Variants in PLEKHA2 observed in about 807,000 individuals in gnomAD.
The protein encoded by PLEKHA2 is pleckstrin homology domain containing A2.
Under a neutral mutation model 53.2 loss-of-function variants are expected in PLEKHA2, and 28 were observed. That is an observed-to-expected ratio of 0.53 (90% CI 0.39 to 0.72). The LOEUF (loss-of-function observed/expected upper bound fraction) is 0.72. PLEKHA2 is among the 30% of genes least tolerant of loss of function. The pLI, the probability that PLEKHA2 is intolerant of heterozygous loss-of-function variation, is 0.00. For missense variants in PLEKHA2, 426 were observed against 537.9 expected, an observed-to-expected ratio of 0.79 and a Z score of 2.06; for synonymous variants, 193 against 196.4, an observed-to-expected ratio of 0.98 and a Z score of 0.14.
intron 2 of PLEKHA2, among the ~76,000 whole-genome samples, chr8:38,920,381 C>T (rs1834162159): frequency 1.3e-5 from 2 of 152,026 alleles, no homozygotes; most frequent in Non-Finnish European, 2.9e-5. Context: ...GTCTCAAGCT[C>T]CTGACCTCCT....
chr8:38,937,444 C>T (rs931260453), intron 3 of PLEKHA2, among the ~76,000 whole-genome samples: 8 of 152,044 alleles, frequency 5.3e-5, no homozygotes, highest in African/African-American at 1.7e-4. Flanking sequence ...CAGAGAACCT[C>T]GCAGTAATAA....
intron 1 of PLEKHA2, among the ~76,000 whole-genome samples, chr8:38,912,780 C>T (rs748181921): frequency 1.7e-4 from 26 of 152,100 alleles, no homozygotes; most frequent in Non-Finnish European, 2.2e-4. Context: ...GCCGCTGCTG[C>T]GTGGGTCAGC....
In PLEKHA2 at chr8:38,951,158, A is replaced by C. The variant is rs181467903; in HGVS notation, c.486+168A>C. ...TACAGGTCATGTTACATCCCCATTC[A>C]TGGGTGTTAGTGACGGCAGTGCGGA... is the stretch of plus-strand genomic sequence containing the variant. On this transcript the variant is annotated intron_variant, in intron 6 of 11. Transcript: ENST00000617275. 4.0e-3 allele frequency among the ~76,000 whole-genome samples: 602 copies of C among 152,278 alleles called. 3 individuals are homozygous for C. Among genetic ancestry groups the C allele is most frequent in the Non-Finnish European group, 5.8e-3 (394 of 68,012 alleles).
At chr8:38,946,387 C>G (rs1045980566) in intron 5 of PLEKHA2, among the ~76,000 whole-genome samples, 166 bp downstream of exon 5, 2 of 152,234 alleles carry the variant, frequency 1.3e-5, no homozygotes, top group Middle Eastern at 3.2e-3. Context: ...TGACCAAACA[C>G]AAGTTGAACT....
At chr8:38,959,173 A>T (rs954443641) in intron 10 of PLEKHA2, among the ~76,000 whole-genome samples, 5 of 152,308 alleles carry the variant, frequency 3.3e-5, no homozygotes, top group Middle Eastern at 3.4e-3. Context: ...TGCTACTGCC[A>T]TTAGACTGAA....
chr8:38,903,934 T>C (rs1292529928), intron 1 of PLEKHA2, among the ~76,000 whole-genome samples: 2 of 152,218 alleles, frequency 1.3e-5, no homozygotes, highest in African/African-American at 4.8e-5. Flanking sequence ...CTTTCCGTTT[T>C]CCATCTGTCT....
intron 9 of PLEKHA2, among the ~76,000 whole-genome samples, chr8:38,955,892 C>T (rs1444628166): frequency 6.6e-6 from 1 of 152,198 alleles, no homozygotes; most frequent in Non-Finnish European, 1.5e-5. Flanking sequence ...TTCACTGCAG[C>T]CTCTGCCTCC....
intron 3 of PLEKHA2, among the ~76,000 whole-genome samples, chr8:38,936,495 T>C (rs751593066): frequency 2.0e-5 from 3 of 152,202 alleles, no homozygotes; most frequent in Non-Finnish European, 4.4e-5. Context: ...TTTTTACCAG[T>C]CACCTGGACA....
At chr8:38,923,293 T>C (rs1187214704) in intron 2 of PLEKHA2, among the ~76,000 whole-genome samples, 2 of 152,234 alleles carry the variant, frequency 1.3e-5, no homozygotes, top group Non-Finnish European at 2.9e-5. Context: ...TGCCACTAAG[T>C]TGATTTACAT....
chr8:38,957,938 C>A (rs1371378122), intron 10 of PLEKHA2, among the ~76,000 whole-genome samples: 1 of 152,214 alleles, frequency 6.6e-6, no homozygotes, highest in Non-Finnish European at 1.5e-5. Context: ...AGGGACTAGA[C>A]TTTCAGGGCC....
chr8:38,938,982 C>T (rs1834549223), intron 3 of PLEKHA2, among the ~76,000 whole-genome samples: 1 of 151,336 alleles, frequency 6.6e-6, no homozygotes, highest in South Asian at 2.1e-4. Flanking sequence ...CGCCTCACTT[C>T]AACCTTTGCC....
At position 38,972,810 on chromosome 8, in the gene PLEKHA2, TC is replaced by T. The variant is rs1159773746; in HGVS notation, c.*3028del. ...AGGAACTAAAAAATGTACTGCATTT[TC>T]TTTGTGGAATAAAAGCCTTGCCTGA... On this transcript the variant is annotated 3_prime_UTR_variant, in exon 12 of 12. Coordinates refer to ENST00000617275, the MANE Select transcript of PLEKHA2 (RefSeq NM_021623.2). 2 of 152,168 alleles carry T rather than the reference TC, an allele frequency of 1.3e-5. No homozygotes were observed. The highest frequency in any genetic ancestry group is 2.9e-5 in the Non-Finnish European group (2 of 68,034). 9.4% of individuals were successfully genotyped at this position (152,168 alleles called of 1,614,324 possible).
At chr8:38,946,708 C>A (rs6474513) in intron 5 of PLEKHA2, among the ~76,000 whole-genome samples, 121,741 of 152,176 alleles carry the variant, frequency 0.8, 49,412 homozygotes, top group African/African-American at 0.9. Flanking sequence ...TCACAGAGCT[C>A]GTTCATGGAC....
chr8:38,926,829 C>T (rs1008716248), intron 2 of PLEKHA2, among the ~76,000 whole-genome samples: 2 of 152,070 alleles, frequency 1.3e-5, no homozygotes, highest in Admixed American at 6.6e-5. Context: ...GCAGGAGAAT[C>T]GCTTGAACCC....
chr8:38,950,825 T>A, intron 5 of PLEKHA2, 25 bp from the exon 6 acceptor site: 6 of 1,606,688 alleles, frequency 3.7e-6, no homozygotes, highest in Non-Finnish European at 5.1e-6. Flanking sequence ...TGTTCCCCAT[T>A]GATTGTTGCT....
intron 1 of PLEKHA2, among the ~76,000 whole-genome samples, chr8:38,912,905 A>G (rs1214263923): frequency 6.6e-6 from 1 of 152,196 alleles, no homozygotes; most frequent in Non-Finnish European, 1.5e-5. Context: ...ACGTCTGAGC[A>G]GCTGTTTTTT....
At chr8:38,965,043 C>T (rs969032273) in intron 10 of PLEKHA2, among the ~76,000 whole-genome samples, 1 of 151,798 alleles carries the variant, frequency 6.6e-6, no homozygotes, top group Non-Finnish European at 1.5e-5. Context: ...TATTTTTCTA[C>T]ATTTATTATC....
chr8:38,914,878 G>A (rs546506379), intron 1 of PLEKHA2, among the ~76,000 whole-genome samples: 16 of 152,286 alleles, frequency 1.1e-4, no homozygotes, highest in African/African-American at 3.4e-4. Flanking sequence ...AGACAGTTCC[G>A]GAGTCGGGGA....
At chr8:38,918,410 C>CACACATCAT (rs1834102852) in intron 2 of PLEKHA2, among the ~76,000 whole-genome samples, 1 of 149,064 alleles carries the variant, frequency 6.7e-6, no homozygotes, top group African/African-American at 2.5e-5. Context: ...ATACCACAGA[C>CACACATCAT]ACATACACAC....
Sources: gnomAD v4.1 joint callset for allele counts (sites outside exome capture counted in the v4.1 genomes callset) on GRCh38, gnomAD v4.1.1 for gene constraint, MANE v1.5 for transcripts, NCBI Gene and HGNC (gene_info 2026-07-23, HGNC 2026-07-21) for gene names.